Variants in KIAA1217 observed in about 807,000 individuals in gnomAD.
KIAA1217 encodes the protein KIAA1217, also known as sickle tail protein homolog.
Under a neutral mutation model 163.9 loss-of-function variants are expected in KIAA1217, and 88 were observed. The observed-to-expected ratio is 0.54, with a 90% CI of 0.45 to 0.64. KIAA1217 has a LOEUF of 0.64. Among genes scored for constraint, KIAA1217 ranks in the 30% least tolerant of loss-of-function variants. The pLI is 0.00. For synonymous variants in KIAA1217, 903 were observed against 923.1 expected (o/e 0.98, Z 0.39); for missense variants, 2,372 against 2,475.0 (o/e 0.96, Z 0.88).
intron 12 of KIAA1217, 56 bp downstream of exon 12, chr10:24,521,985 C>A: frequency 6.4e-7 from 1 of 1,561,072 alleles, no homozygotes; most frequent in Non-Finnish European, 8.7e-7. Context: ...ACTGGGAAAC[C>A]GAGAGTGGAC....
chr10:23,771,310 C>G (rs536684051), intron 1 of KIAA1217, among the ~76,000 whole-genome samples: 20 of 152,226 alleles, frequency 1.3e-4, no homozygotes, highest in Non-Finnish European at 2.1e-4. Flanking sequence ...TATGACCATG[C>G]CTTTGAGCTA....
chr10:24,161,328 TGG>T (rs1554888698), intron 2 of KIAA1217, among the ~76,000 whole-genome samples: 1 of 152,188 alleles, frequency 6.6e-6, no homozygotes, highest in Non-Finnish European at 1.5e-5. Context: ...ATGGTAATGG[TGG>T]GTTTCAGGCA....
intron 1 of KIAA1217, among the ~76,000 whole-genome samples, chr10:23,871,348 C>T (rs1329074356): frequency 6.6e-6 from 1 of 152,070 alleles, no homozygotes; most frequent in Non-Finnish European, 1.5e-5. Context: ...TGACCACCAA[C>T]TGTTACTCTG....
upstream of KIAA1217, among the ~76,000 whole-genome samples, chr10:24,208,096 G>A (rs964059200): frequency 6.1e-5 from 9 of 148,274 alleles, no homozygotes; most frequent in African/African-American, 2.3e-4. Context: ...CAGAGCTAAT[G>A]TTGCCTAAAT....
intron 1 of KIAA1217, among the ~76,000 whole-genome samples, chr10:23,793,995 G>A (rs978841043): frequency 6.6e-6 from 1 of 152,216 alleles, no homozygotes; most frequent in Admixed American, 6.5e-5. Flanking sequence ...CCGGATGCTT[G>A]TTAAGAGGAA....
rs1315971576 is a variant in KIAA1217 at position 24,533,101 on chromosome 10, A to G, written c.3278A>G (p.Gln1093Arg). 1 of 1,613,416 alleles carries G rather than the reference A, an allele frequency of 6.2e-7. No individual in the cohort carries two copies. Among genetic ancestry groups the G allele is most frequent in the South Asian group, 1.1e-5 (1 of 90,986 alleles). ...AGTGAAGATGCTGGACCAAGCCCAC[A>G]GACCAGAGCTACAAAATATCCAGCA... The part of the protein sequence containing the change: ...ASSEDAGPSP[Q>R]TRATKYPAEE... The change falls in exon 16 of 21, where the codon CAG (glutamine) becomes CGG (arginine). Residue 1093 changes from glutamine (Q) to arginine (R), a missense_variant. By Grantham distance (43) the Gln-to-Arg change is conservative. Coordinates refer to ENST00000376454, the MANE Select transcript of KIAA1217 (RefSeq NM_019590.5).
At chr10:24,339,123 T>C (rs2046750047) in intron 2 of KIAA1217, among the ~76,000 whole-genome samples, 1 of 152,224 alleles carries the variant, frequency 6.6e-6, no homozygotes, top group Non-Finnish European at 1.5e-5. Context: ...GTATACATAG[T>C]AGCTCCCCCA....
chr10:23,871,048 T>C (rs568008851), intron 1 of KIAA1217, among the ~76,000 whole-genome samples: 1 of 152,050 alleles, frequency 6.6e-6, no homozygotes, highest in South Asian at 2.1e-4. Context: ...CTGCATACTT[T>C]CCTCCGTCCT....
At chr10:23,833,633 G>T (rs181222639) in intron 1 of KIAA1217, among the ~76,000 whole-genome samples, 7 of 151,566 alleles carry the variant, frequency 4.6e-5, no homozygotes, top group Admixed American at 3.9e-4. Context: ...TCATTTTCTT[G>T]TTTACAGTTT....
intron 1 of KIAA1217, among the ~76,000 whole-genome samples, chr10:24,214,949 C>G (rs552450577): frequency 6.6e-6 from 1 of 152,184 alleles, no homozygotes; most frequent in Admixed American, 6.5e-5. Context: ...CAGAGTAACC[C>G]GAGTTGTGGC....
At chr10:24,425,821 G>A (rs2059127202) in intron 3 of KIAA1217, among the ~76,000 whole-genome samples, 1 of 152,120 alleles carries the variant, frequency 6.6e-6, no homozygotes, top group African/African-American at 2.4e-5. Flanking sequence ...TCAGAGAAAT[G>A]GTATCAACTT....
intron 2 of KIAA1217, among the ~76,000 whole-genome samples, chr10:24,197,264 G>C (rs113796878): frequency 0.011 from 1,745 of 152,130 alleles, 29 homozygotes; most frequent in African/African-American, 0.04. Flanking sequence ...TTATAATTCG[G>C]CACCCAGTAA....
At chr10:23,942,148 A>G (rs1218183317) in intron 1 of KIAA1217, among the ~76,000 whole-genome samples, 1 of 152,238 alleles carries the variant, frequency 6.6e-6, no homozygotes, top group Non-Finnish European at 1.5e-5. Flanking sequence ...GTGTCAGTAT[A>G]TCATCAAGAT....
chr10:24,252,884 G>T (rs1370944474), intron 2 of KIAA1217, among the ~76,000 whole-genome samples: 1 of 151,956 alleles, frequency 6.6e-6, no homozygotes, highest in Non-Finnish European at 1.5e-5. Context: ...GCTCATGCTT[G>T]TAATCCCAGC....
intron 2 of KIAA1217, among the ~76,000 whole-genome samples, chr10:24,091,921 C>A (rs992584700): frequency 6.6e-6 from 1 of 151,668 alleles, no homozygotes; most frequent in African/African-American, 2.4e-5. Context: ...TTCTGCCATC[C>A]CCTAAAAGAT....
intron 1 of KIAA1217, among the ~76,000 whole-genome samples, chr10:23,972,460 C>G (rs1186654425): frequency 6.6e-6 from 1 of 152,012 alleles, no homozygotes; most frequent in African/African-American, 2.4e-5. Context: ...ATGTCCTTTC[C>G]ATGGACATGG....
chr10:23,791,396 A>G (rs1835945086), intron 1 of KIAA1217, among the ~76,000 whole-genome samples: 1 of 152,184 alleles, frequency 6.6e-6, no homozygotes, highest in South Asian at 2.1e-4. Context: ...ACAGTGAGTT[A>G]TTTTGAAAAA....
intron 6 of KIAA1217, among the ~76,000 whole-genome samples, chr10:24,491,076 T>C (rs1384164392): frequency 6.6e-6 from 1 of 152,094 alleles, no homozygotes; most frequent in African/African-American, 2.4e-5. Flanking sequence ...CTAAAACTAT[T>C]ACCTGGTGGG....
At chr10:23,715,562 C>G (rs540419039) in intron 1 of KIAA1217, among the ~76,000 whole-genome samples, 1 of 152,006 alleles carries the variant, frequency 6.6e-6, no homozygotes, top group Non-Finnish European at 1.5e-5. Context: ...TTTGATGTAG[C>G]TATAAGATTT....
Sources: allele counts gnomAD v4.1 joint callset (sites outside exome capture counted in the v4.1 genomes callset), GRCh38; gene constraint gnomAD v4.1.1; transcripts MANE v1.5; gene names NCBI Gene and HGNC (gene_info 2026-07-23, HGNC 2026-07-21).